The following CEP85L variants were observed in gnomAD, a reference collection of about 807,000 sequenced individuals.
CEP85L encodes the protein centrosomal protein of 85 kDa-like.
In CEP85L, 60 loss-of-function variants were observed where a neutral mutation model predicts 100.3. The observed-to-expected ratio is 0.60, with a 90% CI of 0.49 to 0.74. The LOEUF (loss-of-function observed/expected upper bound fraction) is 0.74. Ranked by LOEUF, CEP85L falls within the 30% of genes least tolerant of loss-of-function variation. The pLI is 0.00. For missense variants in CEP85L, 973 were observed against 936.2 expected, an observed-to-expected ratio of 1.04 and a Z score of -0.51; for synonymous variants, 319 against 322.7, an observed-to-expected ratio of 0.99 and a Z score of 0.12.
At chr6:118,619,050 C>T (rs976379526) in intron 2 of CEP85L, among the ~76,000 whole-genome samples, 15 of 151,624 alleles carry the variant, frequency 9.9e-5, no homozygotes, top group East Asian at 3.9e-4. Context: ...GGCTCAAGGA[C>T]GATCATGCGC....
intron 1 of CEP85L, among the ~76,000 whole-genome samples, chr6:118,640,594 G>A (rs560900232): frequency 2.4e-4 from 36 of 152,146 alleles, no homozygotes; most frequent in Non-Finnish European, 4.0e-4. Context: ...GTGCAGTCTC[G>A]GCTCACTGCA....
chr6:118,599,649 G>A (rs1301562059), intron 2 of CEP85L, among the ~76,000 whole-genome samples: 2 of 152,134 alleles, frequency 1.3e-5, no homozygotes, highest in African/African-American at 4.8e-5. Flanking sequence ...CTGTTTTATA[G>A]AAGAGAAACC....
chr6:118,593,306 C>A (rs1182826112), intron 2 of CEP85L, among the ~76,000 whole-genome samples: 1 of 150,278 alleles, frequency 6.7e-6, no homozygotes, highest in South Asian at 2.1e-4. Context: ...ACACTTCAAA[C>A]GGGTGTATGG....
intron 5 of CEP85L, among the ~76,000 whole-genome samples, chr6:118,503,085 T>C (rs2114674070): frequency 6.6e-6 from 1 of 152,298 alleles, no homozygotes; most frequent in South Asian, 2.1e-4. Context: ...TGGAACTAAT[T>C]ATAGCAAGGT....
chr6:118,554,817 C>G (rs538498571), intron 3 of CEP85L, among the ~76,000 whole-genome samples: 18 of 152,254 alleles, frequency 1.2e-4, no homozygotes, highest in African/African-American at 4.1e-4. Context: ...AGAACACATT[C>G]CAGGCAGAGA....
chr6:118,692,106 C>T (rs1777063744), intron 1 of CEP85L, among the ~76,000 whole-genome samples: 1 of 152,034 alleles, frequency 6.6e-6, no homozygotes, highest in Non-Finnish European at 1.5e-5. Context: ...AGCTCCCATC[C>T]CTTTCTGGGT....
chr6:118,685,253 G>A (rs1776794072), intron 1 of CEP85L, among the ~76,000 whole-genome samples: 2 of 152,126 alleles, frequency 1.3e-5, no homozygotes, highest in Non-Finnish European at 2.9e-5. Flanking sequence ...GAATAGTATA[G>A]CACTTAGTAA....
chr6:118,530,409 G>A (rs75317964), intron 3 of CEP85L, among the ~76,000 whole-genome samples: 1 of 148,660 alleles, frequency 6.7e-6, no homozygotes, highest in Non-Finnish European at 1.5e-5. Context: ...ACACAGCCAA[G>A]ATCATACTGA....
At chr6:118,534,097 G>A (rs750006573) in intron 3 of CEP85L, among the ~76,000 whole-genome samples, 32 of 151,382 alleles carry the variant, frequency 2.1e-4, no homozygotes, top group Non-Finnish European at 4.0e-4. Flanking sequence ...GTGAGACTCC[G>A]TCTCAAAACA....
At chr6:118,539,100 G>A (rs1489270575) in intron 3 of CEP85L, among the ~76,000 whole-genome samples, 4 of 152,016 alleles carry the variant, frequency 2.6e-5, no homozygotes, top group Admixed American at 2.6e-4. Context: ...TAGTACAGGT[G>A]CTAACATTTT....
chr6:118,613,219 A>G, intron 2 of CEP85L, among the ~76,000 whole-genome samples: 1 of 151,988 alleles, frequency 6.6e-6, no homozygotes, highest in Non-Finnish European at 1.5e-5. Context: ...CTCGAAAAAA[A>G]GAAAGAAAAA....
chr6:118,494,619 G>A (rs1774802483), intron 5 of CEP85L, among the ~76,000 whole-genome samples: 1 of 152,058 alleles, frequency 6.6e-6, no homozygotes, highest in Admixed American at 6.6e-5. Context: ...TTAGAAAACT[G>A]AAGTTCACAA....
At position 118,669,566 on chromosome 6, in the gene CEP85L, T is replaced by A. The variant is rs138628653; in HGVS notation, c.-27-16758A>T. Among the ~76,000 whole-genome samples the A allele has an allele frequency of 4.6e-3, 694 of 152,062 alleles. 4 individuals are homozygous for A. The highest frequency in any genetic ancestry group is 0.016 in the African/African-American group (655 of 41,492). On this transcript the variant is annotated intron_variant, in intron 1 of 13. Transcript: ENST00000368488. ...ACCTACTTTTAAATAACCACTAGGG[T>A]CTATAAATATTTTCATTAGAAATTT...
chr6:118,588,041 A>T (rs577960752), intron 2 of CEP85L, among the ~76,000 whole-genome samples: 10 of 152,366 alleles, frequency 6.6e-5, no homozygotes, highest in African/African-American at 2.4e-4. Flanking sequence ...CTATAGCTGC[A>T]GTAGTTCTCA....
At chr6:118,685,168 T>A (rs930069865) in intron 1 of CEP85L, among the ~76,000 whole-genome samples, 3 of 152,208 alleles carry the variant, frequency 2.0e-5, no homozygotes, top group African/African-American at 7.2e-5. Context: ...TGTCCTTTTG[T>A]TTTTAAGAAT....
At chr6:118,608,274 T>C (rs941886400) in intron 2 of CEP85L, among the ~76,000 whole-genome samples, 1 of 152,138 alleles carries the variant, frequency 6.6e-6, no homozygotes, top group Non-Finnish European at 1.5e-5. Flanking sequence ...GGCAGGCGGA[T>C]CACGAGGTCA....
chr6:118,532,509 A>C (rs958349356), intron 3 of CEP85L, among the ~76,000 whole-genome samples: 16 of 152,170 alleles, frequency 1.1e-4, no homozygotes, highest in African/African-American at 3.9e-4. Flanking sequence ...CCTGAACCCC[A>C]AATAAAGGTT....
intron 5 of CEP85L, among the ~76,000 whole-genome samples, chr6:118,499,832 C>T (rs1430916217): frequency 9.9e-5 from 15 of 151,974 alleles, no homozygotes; most frequent in Admixed American, 8.5e-4. Context: ...AAAGCATGCA[C>T]GAATGTCCCC....
intron 4 of CEP85L, among the ~76,000 whole-genome samples, chr6:118,513,194 C>T (rs1321986697): frequency 2.0e-5 from 3 of 151,738 alleles, no homozygotes; most frequent in East Asian, 1.9e-4. Flanking sequence ...ATCAGTGAGC[C>T]GCGAGATTAT....
Sources: gnomAD v4.1 joint callset for allele counts (sites outside exome capture counted in the v4.1 genomes callset) on GRCh38, gnomAD v4.1.1 for gene constraint, MANE v1.5 for transcripts, NCBI Gene and HGNC (gene_info 2026-07-23, HGNC 2026-07-21) for gene names.